Variants in CRABP1 observed in about 807,000 individuals in gnomAD.
CRABP1 encodes the protein cellular retinoic acid-binding protein 1.
Under a neutral mutation model 16.4 loss-of-function variants are expected in CRABP1, and 9 were observed. That is an observed-to-expected ratio of 0.55 (90% CI 0.33 to 0.96). The LOEUF (loss-of-function observed/expected upper bound fraction) is 0.96, where lower values mean the gene tolerates loss of function less well. Ranked by LOEUF, CRABP1 falls within the 40% of genes least tolerant of loss-of-function variation. The pLI is 0.03. For synonymous variants in CRABP1, 72 were observed against 70.4 expected, an observed-to-expected ratio of 1.02 and a Z score of -0.11; for missense variants, 157 against 186.0, an observed-to-expected ratio of 0.84 and a Z score of 0.91.
intron 2 of CRABP1, 24 bp from the exon 3 acceptor site, chr15:78,343,475 C>T: frequency 6.4e-7 from 1 of 1,573,674 alleles, no homozygotes. Flanking sequence ...TAATTAATGT[C>T]ACTAATGGTT....
At chr15:78,343,752 C>T (rs767183627) in intron 3 of CRABP1, 140 bp downstream of exon 3, 10 of 634,688 alleles carry the variant, frequency 1.6e-5, no homozygotes, top group South Asian at 4.0e-5. Context: ...GCAGAAAACC[C>T]GAGATGACAG....
rs751382637 is a variant in CRABP1, at chr15:78,341,256, C to T, written c.249+35C>T. On this transcript the variant is annotated intron_variant, in intron 2 of 3. Transcript: ENST00000299529. This position sits in a 1 kb window ranked among gnomAD's most constrained non-coding sequence, Gnocchi z 5.3. ...CAGAGCCACTACAGCGTCCCCGTGTCCCCGCTCGGTGCCCATGGCCCACTG... is the reference window on the plus strand; with the variant it reads ...CAGAGCCACTACAGCGTCCCCGTGTTCCCGCTCGGTGCCCATGGCCCACTG... 8 of 1,580,960 alleles carry T rather than the reference C, an allele frequency of 5.1e-6. No homozygotes were observed. The highest frequency in any genetic ancestry group is 1.3e-5 in the African/African-American group (1 of 74,328).
intron 3 of CRABP1, among the ~76,000 whole-genome samples, chr15:78,346,991 TTG>T (rs1461819230): frequency 1.4e-5 from 2 of 147,292 alleles, no homozygotes; most frequent in Admixed American, 6.6e-5. Context: ...GTTTTTGTTT[TTG>T]TTTTTTTTTT....
At chr15:78,344,687 T>C (rs1177399055) in intron 3 of CRABP1, among the ~76,000 whole-genome samples, 1 of 147,922 alleles carries the variant, frequency 6.8e-6, no homozygotes, top group Non-Finnish European at 1.5e-5. Flanking sequence ...CCCAGCACTT[T>C]GGGAGGCTGA....
intron 2 of CRABP1, among the ~76,000 whole-genome samples, chr15:78,342,913 G>A (rs1455446961): frequency 1.3e-5 from 2 of 152,110 alleles, no homozygotes; most frequent in Non-Finnish European, 2.9e-5. Flanking sequence ...CTGAGGTCAG[G>A]AGTTCGAGAC....
intron 1 of CRABP1, 171 bp downstream of exon 1, chr15:78,340,669 T>C: frequency 1.3e-6 from 1 of 754,078 alleles, no homozygotes; most frequent in Non-Finnish European, 2.1e-6. Flanking sequence ...TCGGAGAAGC[T>C]GGTAGAGATC....
chr15:78,347,428 T>C (rs2050272741), intron 3 of CRABP1, among the ~76,000 whole-genome samples: 1 of 152,194 alleles, frequency 6.6e-6, no homozygotes, highest in African/African-American at 2.4e-5. Flanking sequence ...GAGTATTACA[T>C]ATACAGCATC....
chr15:78,342,425 T>C (rs2050240559), intron 2 of CRABP1, among the ~76,000 whole-genome samples: 2 of 152,046 alleles, frequency 1.3e-5, no homozygotes, highest in South Asian at 4.2e-4. Flanking sequence ...AGTGGGGCTT[T>C]ATGCACCCCC....
chr15:78,347,748 T>C (rs2141529466), intron 3 of CRABP1, 179 bp from the exon 4 acceptor site: 7 of 611,068 alleles, frequency 1.1e-5, no homozygotes, highest in South Asian at 8.4e-5. Flanking sequence ...TCTTTACCAA[T>C]AGCGCTTAAG....
chr15:78,341,173 G>C lies in CRABP1; in HGVS notation c.201G>C (p.Lys67Asn). 1 of 1,612,888 alleles carries C rather than the reference G, an allele frequency of 6.2e-7. No homozygotes were observed. Among genetic ancestry groups the C allele is most frequent in the Non-Finnish European group, 8.5e-7 (1 of 1,179,546 alleles). Residue 67 changes from lysine to asparagine, a missense_variant, in exon 2 of 4, where the codon AAG (lysine) becomes AAC (asparagine). Physicochemically the swap from Lys to Asn is moderately conservative, Grantham distance 94. Coordinates refer to ENST00000299529, the MANE Select transcript of CRABP1 (RefSeq NM_004378.3). The surrounding 1 kb of genome is among the most constrained non-coding windows in gnomAD (Gnocchi z 5.3). ...TGCGCACCACTGAGATCAACTTCAAGGTCGGAGAAGGCTTTGAGGAGGAGA... is the reference window on the plus strand; with the variant it reads ...TGCGCACCACTGAGATCAACTTCAACGTCGGAGAAGGCTTTGAGGAGGAGA... Reference protein sequence around the residue: ...TTVRTTEINFKVGEGFEEETV... With the variant: ...TTVRTTEINFNVGEGFEEETV...
chr15:78,347,736 C>T (rs1439889437), intron 3 of CRABP1, 191 bp from the exon 4 acceptor site: 1 of 588,598 alleles, frequency 1.7e-6, no homozygotes, highest in Non-Finnish European at 3.0e-6. Context: ...ACTCTGGTTA[C>T]CTCTTTACCA....
At chr15:78,340,626 A>G (rs1007572455) in intron 1 of CRABP1, 128 bp downstream of exon 1, 7 of 1,050,168 alleles carry the variant, frequency 6.7e-6, no homozygotes, top group African/African-American at 1.6e-5. Context: ...CCCCGGGGCA[A>G]TAGATCGCCT....
In CRABP1 at chr15:78,340,404, A is replaced by T. The variant is rs766416239; in HGVS notation, c.-25A>T. On this transcript the variant is annotated 5_prime_UTR_variant, in exon 1 of 4. Transcript: ENST00000299529. ...TGCCCGCTGCGCCGCCGCTGTCCGT[A>T]CCTGCCGCCGCCGCCACCGCCACCA... 2 of 1,574,780 alleles carry T rather than the reference A, an allele frequency of 1.3e-6. No individual in the cohort carries two copies. Among genetic ancestry groups the T allele is most frequent in the East Asian group, 2.3e-5 (1 of 43,502 alleles).
intron 3 of CRABP1, among the ~76,000 whole-genome samples, chr15:78,345,957 C>T (rs1323487477): frequency 1.3e-5 from 2 of 152,208 alleles, no homozygotes; most frequent in Admixed American, 6.5e-5. Context: ...CCACAAACCA[C>T]TCTGGAATAT....
rs1040042242 is a variant in CRABP1 at position 78,341,582 on chromosome 15, T to C, written c.249+361T>C. On this transcript the variant is annotated intron_variant, in intron 2 of 3. Coordinates refer to ENST00000299529, the MANE Select transcript of CRABP1 (RefSeq NM_004378.3). The surrounding 1 kb of genome is among the most constrained non-coding windows in gnomAD (Gnocchi z 5.3). ...AGGTTGCAGGAGCCGCCAGGTTCTCTGTCGCAGGTGAAGCCGCAGCTCTTG... is the reference window on the plus strand; with the variant it reads ...AGGTTGCAGGAGCCGCCAGGTTCTCCGTCGCAGGTGAAGCCGCAGCTCTTG... 6.4e-6 allele frequency: 2 copies of C among 312,464 alleles called. No individual in the cohort carries two copies. The highest frequency in any genetic ancestry group is 1.2e-3 in the Middle Eastern group (1 of 866). The allele number at this position is 312,464 out of a possible 1,614,324, so 19.4% of individuals were successfully genotyped here.
At chr15:78,342,758 C>T (rs1030180367) in intron 2 of CRABP1, among the ~76,000 whole-genome samples, 1 of 152,128 alleles carries the variant, frequency 6.6e-6, no homozygotes, top group African/African-American at 2.4e-5. Flanking sequence ...ACAGAAAGGA[C>T]GTTCCTATCC....
At chr15:78,340,653 CG>C in intron 1 of CRABP1, 155 bp downstream of exon 1, 1 of 847,060 alleles carries the variant, frequency 1.2e-6, no homozygotes, top group South Asian at 1.8e-5. Flanking sequence ...CCAGGCGCAC[CG>C]GGTCTCGGAG....
chr15:78,340,721 C>T (rs2141525352), intron 1 of CRABP1: 2 of 610,142 alleles, frequency 3.3e-6, no homozygotes, highest in South Asian at 4.1e-5. Context: ...GAATGTTTGG[C>T]GCCCTCCTCG....
At chr15:78,340,612 G>A in intron 1 of CRABP1, 114 bp downstream of exon 1, 6 of 1,215,280 alleles carry the variant, frequency 4.9e-6, no homozygotes, top group Non-Finnish European at 5.8e-6. Context: ...AGGCAGGAGG[G>A]AGTCCCCGGG....
Sources: gnomAD v4.1 joint callset for allele counts (sites outside exome capture counted in the v4.1 genomes callset) on GRCh38, gnomAD v4.1.1 for gene constraint, Gnocchi (gnomAD v3.1) non-coding constraint, MANE v1.5 for transcripts, NCBI Gene and HGNC (gene_info 2026-07-23, HGNC 2026-07-21) for gene names.